Variants in CSF1R observed in about 807,000 individuals in gnomAD.
CSF1R encodes the protein macrophage colony-stimulating factor 1 receptor.
A neutral mutation model predicts 110.0 loss-of-function variants in CSF1R; 40 were observed. That is an observed-to-expected ratio of 0.36 (90% CI 0.28 to 0.47). The LOEUF is 0.47. CSF1R is among the 20% of genes least tolerant of loss of function. The pLI is 0.99. For synonymous variants in CSF1R, 523 were observed against 503.4 expected, an observed-to-expected ratio of 1.04 and a Z score of -0.52; for missense variants, 1,052 against 1,253.0, an observed-to-expected ratio of 0.84 and a Z score of 2.42.
rs75692279 is a variant in CSF1R at position 150,095,469 on chromosome 5, G to A, written c.-180-8862C>T. ...TCAAACTTGAAATTATTAACAAAAA[G>A]GTATCTGGGAAATTGAAAATATTTG... On this transcript the variant is annotated intron_variant, in intron 1 of 21. Transcript: ENST00000286301. 8.8e-3 allele frequency among the ~76,000 whole-genome samples: 1,334 copies of A among 151,962 alleles called. 8 individuals carry two copies. Among genetic ancestry groups the A allele is most frequent in the Middle Eastern group, 0.024 (7 of 294 alleles).
chr5:150,102,839 A>T (rs1055504305), intron 1 of CSF1R, among the ~76,000 whole-genome samples: 2 of 152,218 alleles, frequency 1.3e-5, no homozygotes, highest in Non-Finnish European at 2.9e-5. Context: ...AATGCTGAAA[A>T]TATTTTCCAT....
upstream of CSF1R, among the ~76,000 whole-genome samples, chr5:150,090,099 T>C (rs1758990820): frequency 6.6e-6 from 1 of 152,260 alleles, no homozygotes; most frequent in East Asian, 1.9e-4. Context: ...AAAGGTAATA[T>C]TCATGACCTT....
At chr5:150,112,122 C>G (rs1759738449) in intron 1 of CSF1R, among the ~76,000 whole-genome samples, 1 of 152,226 alleles carries the variant, frequency 6.6e-6, no homozygotes, top group Non-Finnish European at 1.5e-5. Flanking sequence ...GCTATATAAA[C>G]CATCCTCACC....
At chr5:150,073,890 T>G (rs1758139713) in intron 5 of CSF1R, among the ~76,000 whole-genome samples, 1 of 152,214 alleles carries the variant, frequency 6.6e-6, no homozygotes, top group Non-Finnish European at 1.5e-5. Flanking sequence ...CATAAATTAG[T>G]CAATGCGGCT....
At chr5:150,061,052 C>G (rs1757491857) in intron 12 of CSF1R, 80 bp from the exon 13 acceptor site, 1 of 999,522 alleles carries the variant, frequency 1.0e-6, no homozygotes, top group Non-Finnish European at 1.5e-6. Flanking sequence ...GGACCAAATG[C>G]AGAGACCCAG....
chr5:150,059,732 C>G lies in CSF1R; in HGVS notation c.2100G>C (p.Lys700Asn). 1.9e-6 allele frequency: 3 copies of G among 1,614,144 alleles called. No individual in the cohort carries two copies. The highest frequency in any genetic ancestry group is 1.7e-6 in the Non-Finnish European group (2 of 1,180,018). Residue 700 changes from lysine (K) to asparagine (N), a missense_variant, in exon 14 of 21, where the codon AAG becomes AAC. Around this residue, in one of 5 missense-constraint regions of CSF1R, gnomAD observed 124 missense variants for 117.7 expected, o/e 1.05. Transcript: ENST00000675795. ...GQDPEGGVDY[K>N]NIHLEKKYVR... ...CATATTTCTTCTCGAGGTGGATGTT[C>G]TTATAGTCGACGCCTCCCTCGGGGT...
intron 10 of CSF1R, among the ~76,000 whole-genome samples, chr5:150,066,148 C>G (rs139832248): frequency 2.0e-4 from 30 of 152,300 alleles, no homozygotes; most frequent in Middle Eastern, 3.4e-3. Context: ...CCCCCTCCTT[C>G]CACCATCCCA....
At chr5:150,095,977 GT>G (rs1027536941) in intron 1 of CSF1R, among the ~76,000 whole-genome samples, 1 of 152,110 alleles carries the variant, frequency 6.6e-6, no homozygotes, top group Non-Finnish European at 1.5e-5. Context: ...AACATGAACA[GT>G]CCTGTATCTA....
Position 150,053,845 on chromosome 5 carries a change from G to C in CSF1R, c.*224C>G. 1 of 592,814 alleles carries C rather than the reference G, an allele frequency of 1.7e-6. No individual in the cohort carries two copies. Among genetic ancestry groups the C allele is most frequent in the Non-Finnish European group, 3.0e-6 (1 of 332,386 alleles). The allele number at this position is 592,814 out of a possible 1,614,324, so 36.7% of individuals were successfully genotyped here. On this transcript the variant is annotated 3_prime_UTR_variant, in exon 21 of 21. Coordinates refer to ENST00000675795, the MANE Select transcript of CSF1R (RefSeq NM_001288705.3). Reference sequence around the variant, plus strand: ...TGAGAACAGTAGGGGAGGGGGGGGTGAGGGCTCAGCCCCCAGCCCCTGACT... The same window carrying C: ...TGAGAACAGTAGGGGAGGGGGGGGTCAGGGCTCAGCCCCCAGCCCCTGACT...
At chr5:150,054,300 C>T (rs1002120754) in intron 20 of CSF1R, 22 bp downstream of exon 20, 2 of 1,614,084 alleles carry the variant, frequency 1.2e-6, no homozygotes, top group Non-Finnish European at 1.7e-6. Flanking sequence ...CGGCCACCCA[C>T]CCCAAGCCTC....
chr5:150,065,461 G>A (rs1010207163), intron 10 of CSF1R, among the ~76,000 whole-genome samples: 2 of 152,194 alleles, frequency 1.3e-5, no homozygotes, highest in Non-Finnish European at 2.9e-5. Context: ...CCCCCTTGTG[G>A]TCACTCTGGG....
chr5:150,085,242 C>CTCCA (rs1477970171), intron 1 of CSF1R, among the ~76,000 whole-genome samples: 1 of 137,428 alleles, frequency 7.3e-6, no homozygotes, highest in Non-Finnish European at 1.5e-5. Context: ...TGCCACTGTA[C>CTCCA]TCCAGCCTGG....
At chr5:150,085,145 G>A (rs370056720) in intron 1 of CSF1R, among the ~76,000 whole-genome samples, 61 of 152,030 alleles carry the variant, frequency 4.0e-4, no homozygotes, top group African/African-American at 1.4e-3. Flanking sequence ...CAGTCATGAT[G>A]GTGTATGCCT....
At chr5:150,064,048 G>T (rs976817415) in intron 10 of CSF1R, among the ~76,000 whole-genome samples, 2 of 152,150 alleles carry the variant, frequency 1.3e-5, no homozygotes, top group Non-Finnish European at 2.9e-5. Flanking sequence ...AATTAACACC[G>T]AAACAGAAAA....
upstream of CSF1R, among the ~76,000 whole-genome samples, chr5:150,090,436 T>C (rs1215025186): frequency 1.3e-5 from 2 of 152,194 alleles, no homozygotes; most frequent in Non-Finnish European, 2.9e-5. Flanking sequence ...TGCTCCTTTA[T>C]AGTAAAGCCC....
rs764795979 is a variant in CSF1R, at chr5:150,073,536, T to A, written c.890-43A>T. 2.5e-6 allele frequency: 4 copies of A among 1,584,090 alleles called. No homozygotes were observed. The Admixed American group carries it at 5.1e-5, about 20-fold the overall frequency. ...CAAGCATCTGGCATTAGTGGGAAGATGTCCTTGTTTATTTGTCCATTTTGT... is the reference window on the plus strand; with the variant it reads ...CAAGCATCTGGCATTAGTGGGAAGAAGTCCTTGTTTATTTGTCCATTTTGT... On this transcript the variant is annotated intron_variant, in intron 5 of 20. Transcript: ENST00000675795.
Position 150,086,496 on chromosome 5 carries a change from C to G in CSF1R, c.-69G>C. The G allele has an allele frequency of 6.7e-7, 1 of 1,488,264 alleles. No homozygotes were observed. The highest frequency in any genetic ancestry group is 1.2e-5 in the South Asian group (1 of 83,720). The allele number at this position is 1,488,264 out of a possible 1,614,324, so 92.2% of individuals were successfully genotyped here. A position where few individuals can be genotyped will look rare whatever the true frequency, so the allele number is the denominator to read the frequency against. On this transcript the variant is annotated 5_prime_UTR_variant, in exon 1 of 21. Coordinates refer to ENST00000675795, the MANE Select transcript of CSF1R (RefSeq NM_001288705.3). ...GCCCAGGGCACAGAGCTCTCAGCTA[C>G]TAGCTCCGCAGGGATCGGGACACTG... is the stretch of plus-strand genomic sequence containing the variant.
chr5:150,061,428 G>A (rs1757516500), intron 12 of CSF1R, 63 bp downstream of exon 12: 2 of 1,272,094 alleles, frequency 1.6e-6, no homozygotes, highest in Non-Finnish European at 2.2e-6. Context: ...GTGACACCAG[G>A]GCCAGCCCAC....
chr5:150,087,549 T>G (rs983838942), upstream of CSF1R, among the ~76,000 whole-genome samples: 1 of 152,218 alleles, frequency 6.6e-6, no homozygotes, highest in African/African-American at 2.4e-5. Flanking sequence ...AAAACTATCT[T>G]TTGTGCGTTA....
Sources: gnomAD v4.1 joint callset for allele counts (sites outside exome capture counted in the v4.1 genomes callset) on GRCh38, gnomAD v4.1.1 for gene constraint, gnomAD v4.1.1 regional missense constraint, MANE v1.5 for transcripts, NCBI Gene and HGNC (gene_info 2026-07-23, HGNC 2026-07-21) for gene names.